Variants in VPS37A observed in about 807,000 individuals in gnomAD.
The protein encoded by VPS37A is vacuolar protein sorting-associated protein 37A.
VPS37A carries 30 observed loss-of-function variants against 49.8 expected under a neutral mutation model. The ratio of observed to expected loss-of-function variants is 0.60; its 90% confidence interval spans 0.45 to 0.82. VPS37A has a LOEUF of 0.82. Ranked by LOEUF, VPS37A falls within the 40% of genes least tolerant of loss-of-function variation. The pLI is 0.00. For missense variants in VPS37A, 593 were observed against 464.4 expected, an observed-to-expected ratio of 1.28 and a Z score of -2.55; for synonymous variants, 195 against 160.6, an observed-to-expected ratio of 1.21 and a Z score of -1.62.
intron 2 of VPS37A, among the ~76,000 whole-genome samples, chr8:17,266,818 G>T (rs542562496): frequency 6.6e-6 from 1 of 152,246 alleles, no homozygotes; most frequent in South Asian, 2.1e-4. Context: ...CTGTCGCCCA[G>T]ACTGGAGTGC....
At chr8:17,302,039 A>T (rs1358360356), downstream of VPS37A, 2 of 1,391,184 alleles carry the variant, frequency 1.4e-6, no homozygotes, top group African/African-American at 1.4e-5. Flanking sequence ...CAGGTGTTCT[A>T]CTGACTAAAA....
At chr8:17,282,582 A>G (rs905961297) in intron 9 of VPS37A, among the ~76,000 whole-genome samples, 11 of 152,214 alleles carry the variant, frequency 7.2e-5, no homozygotes, top group Non-Finnish European at 1.3e-4. Flanking sequence ...TAGCCTATAC[A>G]ACAAATACTA....
chr8:17,247,519 C>A, intron 1 of VPS37A, 150 bp downstream of exon 1: 1 of 1,080,680 alleles, frequency 9.3e-7, no homozygotes, highest in Non-Finnish European at 1.3e-6. Context: ...TGCTCTGCCA[C>A]TCCTGCCCCC....
intron 4 of VPS37A, chr8:17,271,924 A>G (rs1814029250): frequency 2.2e-6 from 1 of 450,540 alleles, no homozygotes; most frequent in Admixed American, 2.4e-5. Context: ...TTATTTTCAA[A>G]TCCAGGAAAT....
chr8:17,290,654 C>G (rs992036840), intron 11 of VPS37A, among the ~76,000 whole-genome samples: 1 of 152,160 alleles, frequency 6.6e-6, no homozygotes, highest in South Asian at 2.1e-4. Flanking sequence ...GTTGTTGTGT[C>G]TTAGCCAGGT....
At chr8:17,252,658 G>C (rs901517792) in intron 1 of VPS37A, among the ~76,000 whole-genome samples, 1 of 152,150 alleles carries the variant, frequency 6.6e-6, no homozygotes, top group Non-Finnish European at 1.5e-5. Context: ...GTAGCTGTCT[G>C]CTTTGCTGGG....
the VPS37A span, among the ~76,000 whole-genome samples, chr8:17,329,721 C>A: frequency 6.6e-6 from 1 of 152,112 alleles, no homozygotes; most frequent in Non-Finnish European, 1.5e-5. Context: ...AATAACAGTA[C>A]CAAGGAGTCC....
intron 11 of VPS37A, among the ~76,000 whole-genome samples, chr8:17,289,287 T>C (rs973227838): frequency 5.3e-5 from 8 of 152,224 alleles, no homozygotes; most frequent in Admixed American, 5.2e-4. Context: ...CCCATGCCCA[T>C]GTCCTGAATG....
At chr8:17,309,177 ACT>A in the VPS37A span, 4 of 800,422 alleles carry the variant, frequency 5.0e-6, no homozygotes, top group Non-Finnish European at 8.3e-6. Context: ...AGAGACACAA[ACT>A]CAAAAAACAA....
intron 4 of VPS37A, 118 bp downstream of exon 4, chr8:17,269,074 A>G (rs1813737934): frequency 7.4e-6 from 5 of 673,804 alleles, no homozygotes; most frequent in South Asian, 4.2e-5. Context: ...CATCCCCACA[A>G]ATACATCCAT....
chr8:17,332,900 A>T, the VPS37A span, among the ~76,000 whole-genome samples: 1 of 152,350 alleles, frequency 6.6e-6, no homozygotes, highest in African/African-American at 2.4e-5. Flanking sequence ...CAGCAATTAC[A>T]GCAGAAAGAC....
downstream of VPS37A, chr8:17,304,331 G>C (rs1411359505): frequency 6.3e-7 from 1 of 1,589,596 alleles, no homozygotes; most frequent in Non-Finnish European, 8.6e-7. Flanking sequence ...AACGGTACCA[G>C]AATCCAAGTT....
At chr8:17,318,543 T>A in the VPS37A span, among the ~76,000 whole-genome samples, 1 of 152,040 alleles carries the variant, frequency 6.6e-6, no homozygotes, top group Non-Finnish European at 1.5e-5. Context: ...TCCCGATGGG[T>A]CTGGACTCGC....
chr8:17,321,867 A>T, the VPS37A span, among the ~76,000 whole-genome samples: 4 of 152,180 alleles, frequency 2.6e-5, no homozygotes, highest in East Asian at 3.8e-4. Flanking sequence ...GTAAAAAAAT[A>T]AAAAAGCAAA....
the VPS37A span, among the ~76,000 whole-genome samples, chr8:17,332,796 T>C: frequency 2.0e-5 from 3 of 152,230 alleles, no homozygotes; most frequent in Non-Finnish European, 4.4e-5. Context: ...CATACAATCA[T>C]CCATTTTTAT....
chr8:17,327,121 G>C, the VPS37A span, among the ~76,000 whole-genome samples: 67 of 152,256 alleles, frequency 4.4e-4, no homozygotes, highest in African/African-American at 1.6e-3. Context: ...AGTACATATA[G>C]TCTTCACATT....
At chr8:17,265,828 G>T in intron 1 of VPS37A, 79 bp from the exon 2 acceptor site, 2 of 1,606,436 alleles carry the variant, frequency 1.2e-6, no homozygotes, top group Non-Finnish European at 1.7e-6. Flanking sequence ...AGTTTTAGTA[G>T]ATTCTAGCAC....
At chr8:17,314,000 G>A in the VPS37A span, among the ~76,000 whole-genome samples, 6 of 152,144 alleles carry the variant, frequency 3.9e-5, no homozygotes, top group Non-Finnish European at 7.4e-5. Flanking sequence ...CAGGGTAGAG[G>A]CTTTCCCTTT....
At chr8:17,312,574 C>CAAAAAAA in the VPS37A span, among the ~76,000 whole-genome samples, 5 of 87,250 alleles carry the variant, frequency 5.7e-5, no homozygotes, top group African/African-American at 1.9e-4. Context: ...GACTCCCTCT[C>CAAAAAAA]AAAAAAAAAA....
Sources: gnomAD v4.1 joint callset for allele counts (sites outside exome capture counted in the v4.1 genomes callset) on GRCh38, gnomAD v4.1.1 for gene constraint, MANE v1.5 for transcripts, NCBI Gene and HGNC (gene_info 2026-07-23, HGNC 2026-07-21) for gene names.